The following PRKN variants were observed in gnomAD, a reference collection of about 807,000 sequenced individuals.
PRKN encodes E3 ubiquitin-protein ligase parkin.
Under a neutral mutation model 59.5 loss-of-function variants are expected in PRKN, and 56 were observed. The ratio of observed to expected loss-of-function variants is 0.94; its 90% CI spans 0.76 to 1.18. The LOEUF is 1.18. Ranked by LOEUF, PRKN falls within the 50% of genes most tolerant of loss-of-function variation. PRKN has a pLI of 0.00. For missense variants in PRKN, 657 were observed against 596.4 expected (o/e 1.10, Z -1.06); for synonymous variants, 250 against 222.1 (o/e 1.13, Z -1.12).
At chr6:161,667,227 G>A (rs1784758077) in intron 7 of PRKN, among the ~76,000 whole-genome samples, 1 of 152,112 alleles carries the variant, frequency 6.6e-6, no homozygotes, top group African/African-American at 2.4e-5. Flanking sequence ...CACCACTACA[G>A]GATAAACTCC....
Position 162,198,676 on chromosome 6 carries a change from A to C in PRKN, c.534+2455T>G, listed in dbSNP as rs77776718. On this transcript the variant is annotated intron_variant, in intron 4 of 11. Coordinates refer to ENST00000366898, the MANE Select transcript of PRKN (RefSeq NM_004562.3). Reference sequence around the variant, plus strand: ...AAGGAAGTCAGGATTCTAATGGGGCAGACTGGCTCTGGCTAACTGATTTCA... The same window carrying C: ...AAGGAAGTCAGGATTCTAATGGGGCCGACTGGCTCTGGCTAACTGATTTCA... 4.0e-4 allele frequency among the ~76,000 whole-genome samples: 60 copies of C among 151,740 alleles called. 2 individuals carry two copies. The East Asian group carries it at 0.01, about 26-fold the overall frequency.
intron 7 of PRKN, among the ~76,000 whole-genome samples, chr6:161,713,442 G>A (rs913773727): frequency 2.0e-5 from 3 of 152,044 alleles, no homozygotes; most frequent in Non-Finnish European, 4.4e-5. Flanking sequence ...AGGCTCTCTA[G>A]GGGGTGCACC....
intron 7 of PRKN, among the ~76,000 whole-genome samples, chr6:161,598,795 T>C (rs558412564): frequency 2.4e-4 from 37 of 152,326 alleles, no homozygotes; most frequent in African/African-American, 8.7e-4. Flanking sequence ...CTTTGGATGT[T>C]GGGTGGCCAT....
At chr6:162,187,387 G>A (rs1057328507) in intron 4 of PRKN, among the ~76,000 whole-genome samples, 2 of 152,162 alleles carry the variant, frequency 1.3e-5, no homozygotes, top group Non-Finnish European at 2.9e-5. Flanking sequence ...AGTGTCAGCT[G>A]AGTGAGAACT....
intron 1 of PRKN, among the ~76,000 whole-genome samples, chr6:162,549,248 A>T (rs1367641392): frequency 6.6e-6 from 1 of 150,536 alleles, no homozygotes; most frequent in Non-Finnish European, 1.5e-5. Flanking sequence ...CCTGACTTCC[A>T]GCCTGACTTC....
rs1785508255 is a variant in PRKN, at chr6:161,373,142, G to T, written c.1168-12937C>A. Reference sequence around the variant, plus strand: ...ATTTTTCTCTTCTCTGGGAAACCGAGGTCTTTGCTCGTCAGGCCTTCCATG... The same window carrying T: ...ATTTTTCTCTTCTCTGGGAAACCGATGTCTTTGCTCGTCAGGCCTTCCATG... On this transcript the variant is annotated intron_variant, in intron 10 of 11. Coordinates refer to ENST00000366898, the MANE Select transcript of PRKN (RefSeq NM_004562.3). This position sits in a 1 kb window ranked among gnomAD's most constrained non-coding sequence, Gnocchi z 4.8. Among the ~76,000 whole-genome samples, 2 of 152,084 alleles carry T rather than the reference G, an allele frequency of 1.3e-5. No homozygotes were observed. The highest frequency in any genetic ancestry group is 4.1e-4 in the South Asian group (2 of 4,830).
Position 161,460,912 on chromosome 6 carries a change from G to A in PRKN, c.1084-74035C>T, listed in dbSNP as rs187183713. On this transcript the variant is annotated intron_variant, in intron 9 of 11. Coordinates refer to ENST00000366898, the MANE Select transcript of PRKN (RefSeq NM_004562.3). This position sits in a 1 kb window ranked among gnomAD's most constrained non-coding sequence, Gnocchi z 5.0. ...CTACAGGTACGCACCACCACGCCCA[G>A]CTAATTTTTCTTTCTTTTTTTTTTT... 2.1e-4 allele frequency among the ~76,000 whole-genome samples: 32 copies of A among 151,472 alleles called. No individual in the cohort carries two copies. Among genetic ancestry groups the A allele is most frequent in the Non-Finnish European group, 7.4e-5 (5 of 67,858 alleles).
rs367631227 is a variant in PRKN, at chr6:162,201,193, G to T, written c.472C>A (p.Gln158Lys). ...VYCKGPCQRV[Q>K]PGKLRVQCST... The stretch of plus-strand genomic sequence containing the variant: ...CACTGTACCCTGAGTTTTCCCGGCT[G>T]CACTCTTTGACAGGGGCCTTTGCAA... Residue 158 changes from glutamine to lysine, a missense_variant, in exon 4 of 12, where the codon CAG becomes AAG. Transcript: ENST00000366898. 7 of 1,613,776 alleles carry T rather than the reference G, an allele frequency of 4.3e-6. No homozygotes were observed. In the African/African-American group the frequency reaches 9.3e-5, roughly 22 times the overall value.
intron 7 of PRKN, among the ~76,000 whole-genome samples, chr6:161,708,232 T>C (rs1786590652): frequency 6.6e-6 from 1 of 152,180 alleles, no homozygotes; most frequent in African/African-American, 2.4e-5. Context: ...TTGTGAATTT[T>C]TTAAAAAATC....
intron 5 of PRKN, among the ~76,000 whole-genome samples, chr6:162,024,097 T>G (rs1472764559): frequency 1.3e-5 from 2 of 152,106 alleles, no homozygotes; most frequent in Non-Finnish European, 2.9e-5. Context: ...TATGGTCATT[T>G]TAATGATATT....
rs1789685216 is a variant in PRKN at position 162,434,573 on chromosome 6, C to G, written c.171+8737G>C. Among the ~76,000 whole-genome samples the G allele has an allele frequency of 2.0e-5, 3 of 152,110 alleles. No individual in the cohort carries two copies. The South Asian group carries it at 6.2e-4, about 31-fold the overall frequency. ...TCCCATTCCCATTTAATTGTGTTTTCTGTGTCTTATGGGCATCACTAAAGT... is the reference window on the plus strand; with the variant it reads ...TCCCATTCCCATTTAATTGTGTTTTGTGTGTCTTATGGGCATCACTAAAGT... On this transcript the variant is annotated intron_variant, in intron 2 of 11. Transcript: ENST00000366898.
intron 7 of PRKN, among the ~76,000 whole-genome samples, chr6:161,749,415 T>C (rs1433688041): frequency 1.3e-5 from 2 of 152,194 alleles, no homozygotes; most frequent in Non-Finnish European, 2.9e-5. Flanking sequence ...ATCTGTTAAG[T>C]TATACATCAT....
At chr6:161,600,406 T>C (rs375905425) in intron 7 of PRKN, among the ~76,000 whole-genome samples, 4 of 152,196 alleles carry the variant, frequency 2.6e-5, no homozygotes, top group African/African-American at 4.8e-5. Context: ...GTGATTCTGA[T>C]GGTAATTTTT....
At chr6:162,456,192 C>T (rs1790864384) in intron 1 of PRKN, among the ~76,000 whole-genome samples, 1 of 152,130 alleles carries the variant, frequency 6.6e-6, no homozygotes, top group Non-Finnish European at 1.5e-5. Context: ...CACGGGCTTA[C>T]ACCCATAACA....
chr6:161,745,944 C>T (rs1788395144), intron 7 of PRKN, among the ~76,000 whole-genome samples: 1 of 152,168 alleles, frequency 6.6e-6, no homozygotes, highest in Admixed American at 6.5e-5. Flanking sequence ...CTCAGAGGAT[C>T]CTGGGTGACA....
chr6:161,639,975 T>C (rs1783679077), intron 7 of PRKN, among the ~76,000 whole-genome samples: 1 of 152,136 alleles, frequency 6.6e-6, no homozygotes, highest in Non-Finnish European at 1.5e-5. Flanking sequence ...TCCAGAGAGA[T>C]TTCATTCAAA....
At position 161,475,487 on chromosome 6, in the gene PRKN, G is replaced by A. The variant is rs16892573; in HGVS notation, c.1083+73367C>T. Among the ~76,000 whole-genome samples, 3,624 of 152,186 alleles carry A rather than the reference G, an allele frequency of 0.024. 71 individuals carry two copies. Among genetic ancestry groups the A allele is most frequent in the African/African-American group, 0.056 (2,334 of 41,492 alleles). On this transcript the variant is annotated intron_variant, in intron 9 of 11. Transcript: ENST00000366898. The surrounding 1 kb of genome is among the most constrained non-coding windows in gnomAD (Gnocchi z 5.3). The stretch of plus-strand genomic sequence containing the variant: ...TAACTTGCTATATTTTAAATGCACG[G>A]TATTGACTTGTTATTTTTATTTACA...
chr6:162,172,551 C>CT (rs1339521514), intron 4 of PRKN, among the ~76,000 whole-genome samples: 3 of 152,272 alleles, frequency 2.0e-5, no homozygotes, highest in South Asian at 4.1e-4. Context: ...TGATTACTTT[C>CT]TTTATTTCTT....
At position 162,439,144 on chromosome 6, in the gene PRKN, T is replaced by G. The variant is rs377310432; in HGVS notation, c.171+4166A>C. On this transcript the variant is annotated intron_variant, in intron 2 of 11. Transcript: ENST00000366898. ...CTCTCCACTCAGCCTTTACTAGTGT[T>G]GGTGGGGACAAGGATAGGGCCGCAG... Among the ~76,000 whole-genome samples, 82 of 152,302 alleles carry G rather than the reference T, an allele frequency of 5.4e-4. 3 individuals carry two copies. The South Asian group carries it at 0.016, about 30-fold the overall frequency.
Sources: allele counts gnomAD v4.1 joint callset (sites outside exome capture counted in the v4.1 genomes callset), GRCh38; gene constraint gnomAD v4.1.1; non-coding constraint Gnocchi (gnomAD v3.1); transcripts MANE v1.5; gene names NCBI Gene and HGNC (gene_info 2026-07-23, HGNC 2026-07-21).